Variants in DUSP13B observed in about 807,000 individuals in gnomAD.
The protein encoded by DUSP13B is dual specificity protein phosphatase 13B.
At chr10:75,105,050 G>A in the DUSP13B span, among the ~76,000 whole-genome samples, 1 of 152,216 alleles carries the variant, frequency 6.6e-6, no homozygotes, top group Non-Finnish European at 1.5e-5. Context: ...ACAGGCTTGA[G>A]GCGAGACAGG....
At chr10:75,097,976 G>A in the DUSP13B span, 5 of 1,189,992 alleles carry the variant, frequency 4.2e-6, no homozygotes, top group Non-Finnish European at 5.7e-6. Context: ...GTGCCTAGGT[G>A]CCACGGGGAT....
At chr10:75,105,715 T>C in the DUSP13B span, 9 of 1,553,590 alleles carry the variant, frequency 5.8e-6, no homozygotes, top group Admixed American at 1.7e-4. Flanking sequence ...CCTGCAGAGC[T>C]GGTGCAGGAA....
chr10:75,099,508 G>C, the DUSP13B span: 1 of 1,231,842 alleles, frequency 8.1e-7, no homozygotes, highest in Non-Finnish European at 1.0e-6. Context: ...GGCTGGGCAG[G>C]TTCTGCCCAG....
the DUSP13B span, chr10:75,102,018 C>A: frequency 7.8e-7 from 1 of 1,275,572 alleles, no homozygotes. Flanking sequence ...CTCTTCCAGC[C>A]TCCCCTGCCA....
chr10:75,096,811 G>T, the DUSP13B span, among the ~76,000 whole-genome samples: 1 of 152,152 alleles, frequency 6.6e-6, no homozygotes, highest in Non-Finnish European at 1.5e-5. Flanking sequence ...TAGTCAAAAA[G>T]TGGAAACAAT....
At chr10:75,098,673 A>T in the DUSP13B span, among the ~76,000 whole-genome samples, 1 of 152,064 alleles carries the variant, frequency 6.6e-6, no homozygotes, top group African/African-American at 2.4e-5. Context: ...GAGGCAGGAG[A>T]ACCTTTTGAA....
chr10:75,095,536 C>T, the DUSP13B span: 1 of 1,573,382 alleles, frequency 6.4e-7, no homozygotes, highest in Admixed American at 1.7e-5. Context: ...TCCTAAAGCA[C>T]ACCCTCCACC....
the DUSP13B span, among the ~76,000 whole-genome samples, chr10:75,102,848 A>G: frequency 6.6e-5 from 10 of 152,134 alleles, no homozygotes; most frequent in Admixed American, 1.3e-4. Context: ...GCTACTCGGG[A>G]GCCTGAGGCA....
the DUSP13B span, chr10:75,109,053 G>C: frequency 3.1e-6 from 5 of 1,611,844 alleles, no homozygotes; most frequent in Non-Finnish European, 4.2e-6. Context: ...CCACACGGCT[G>C]CAAGAAGACT....
At chr10:75,098,091 A>G in the DUSP13B span, among the ~76,000 whole-genome samples, 3 of 152,210 alleles carry the variant, frequency 2.0e-5, no homozygotes, top group South Asian at 6.2e-4. Flanking sequence ...AGCCTTTGTC[A>G]CTGCTATGGA....
the DUSP13B span, among the ~76,000 whole-genome samples, chr10:75,102,184 G>A: frequency 7.9e-5 from 12 of 152,236 alleles, no homozygotes; most frequent in African/African-American, 2.9e-4. Flanking sequence ...TATGTTGATA[G>A]TGGGAGAAGG....
At chr10:75,101,879 C>A in the DUSP13B span, 1 of 1,366,906 alleles carries the variant, frequency 7.3e-7, no homozygotes, top group Non-Finnish European at 9.8e-7. Context: ...GTGGGAGTAT[C>A]TGGCCCAGGC....
chr10:75,104,117 T>C, the DUSP13B span: 1 of 1,325,318 alleles, frequency 7.5e-7, no homozygotes. Context: ...AGATGAGCTC[T>C]GTGTTACAGG....
the DUSP13B span, chr10:75,108,986 C>T: frequency 6.3e-7 from 1 of 1,583,706 alleles, no homozygotes; most frequent in Admixed American, 1.7e-5. Context: ...CACCCCCATG[C>T]CCCTTGGCCA....
the DUSP13B span, chr10:75,105,730 C>T: frequency 3.6e-5 from 56 of 1,554,418 alleles, 1 homozygote; most frequent in South Asian, 2.5e-4. Flanking sequence ...CAGGAAGCCT[C>T]GGTTGGGGAA....
At chr10:75,102,076 G>T in the DUSP13B span, 1 of 685,486 alleles carries the variant, frequency 1.5e-6, no homozygotes, top group Non-Finnish European at 2.2e-6. Context: ...GCCAAGCACA[G>T]TCAGGCACCT....
At chr10:75,099,683 C>T in the DUSP13B span, 1 of 542,374 alleles carries the variant, frequency 1.8e-6, no homozygotes. Flanking sequence ...GATTGAAGAC[C>T]GTTGGTTCCA....
At chr10:75,105,091 G>A in the DUSP13B span, among the ~76,000 whole-genome samples, 1 of 152,164 alleles carries the variant, frequency 6.6e-6, no homozygotes, top group Non-Finnish European at 1.5e-5. Context: ...AGAGGTGGAG[G>A]CAGGCCCTGC....
At chr10:75,108,355 C>A in the DUSP13B span, 1 of 1,404,140 alleles carries the variant, frequency 7.1e-7, no homozygotes, top group Non-Finnish European at 9.3e-7. Context: ...GGTCTGACTC[C>A]ACAGCCCTAT....
Sources: allele counts gnomAD v4.1 joint callset (sites outside exome capture counted in the v4.1 genomes callset), GRCh38; gene constraint gnomAD v4.1.1; transcripts MANE v1.5; gene names NCBI Gene and HGNC (gene_info 2026-07-23, HGNC 2026-07-21).